The following ARHGEF18 variants were observed in gnomAD, a reference collection of about 807,000 sequenced individuals.
ARHGEF18 encodes the protein rho guanine nucleotide exchange factor 18.
A neutral mutation model predicts 155.7 loss-of-function variants in ARHGEF18; 93 were observed. That is an observed-to-expected ratio of 0.60 (90% CI 0.50 to 0.71). ARHGEF18 has a LOEUF of 0.71. Ranked by LOEUF, ARHGEF18 falls within the 30% of genes least tolerant of loss-of-function variation. The probability of loss-of-function intolerance (pLI) is 0.00; values close to 1 mark genes in which losing one functional copy is unlikely to be tolerated. For missense variants in ARHGEF18, 1,593 were observed against 1,816.1 expected (o/e 0.88, Z 2.23); for synonymous variants, 742 against 753.1 (o/e 0.99, Z 0.24).
At chr19:7,381,691 T>TAAATAATTA (rs533011251) in intron 8 of ARHGEF18, among the ~76,000 whole-genome samples, 1 of 146,092 alleles carries the variant, frequency 6.8e-6, no homozygotes, top group African/African-American at 2.6e-5. Flanking sequence ...AATAAATAAA[T>TAAATAATTA]AATAAATAAA....
Position 7,422,535 on chromosome 19 carries a change from TCTC to T in ARHGEF18, c.968-17806_968-17804del, listed in dbSNP as rs562382967. 3.1e-4 allele frequency among the ~76,000 whole-genome samples: 47 copies of T among 151,742 alleles called. 1 individual carries two copies. The South Asian group carries it at 9.6e-3, about 31-fold the overall frequency. ...AAACCCAGTGCAAAGGATCCCATGATCTCCTGCCTTCAGGCAAAATGACTCACC... is the reference window on the plus strand; with the variant it reads ...AAACCCAGTGCAAAGGATCCCATGATCTGCCTTCAGGCAAAATGACTCACC... On this transcript the variant is annotated intron_variant, in intron 10 of 28. Transcript: ENST00000668164.
chr19:7,402,290 G>A (rs1362999781), intron 10 of ARHGEF18, among the ~76,000 whole-genome samples: 6 of 152,104 alleles, frequency 3.9e-5, no homozygotes, highest in African/African-American at 1.4e-4. Context: ...GTGGTGGTGC[G>A]TGCCTGTAGA....
chr19:7,477,468 C>A, downstream of ARHGEF18: 1 of 1,383,608 alleles, frequency 7.2e-7, no homozygotes, highest in Non-Finnish European at 9.4e-7. Flanking sequence ...CTTACACTCA[C>A]GCTCACACCT....
At chr19:7,455,310 A>G (rs537418665) in intron 17 of ARHGEF18, among the ~76,000 whole-genome samples, 2 of 152,336 alleles carry the variant, frequency 1.3e-5, no homozygotes, top group African/African-American at 4.8e-5. Flanking sequence ...AAAAACGGAA[A>G]AACTAGTTAG....
chr19:7,459,926 C>T lies in ARHGEF18; in HGVS notation c.2384C>T (p.Pro795Leu). 6.3e-7 allele frequency: 1 copy of T among 1,585,460 alleles called. No homozygotes were observed. The highest frequency in any genetic ancestry group is 8.6e-7 in the Non-Finnish European group (1 of 1,165,884). ...VESCPDEEEG[P>L]FSLPEEERKV... ...AGCTGCCCTGACGAGGAGGAGGGGC[C>T]CTTCAGCCTGCCCGAAGAGGAAAGG... is the stretch of plus-strand genomic sequence containing the variant. Residue 795 changes from proline (P) to leucine (L), a missense_variant, in exon 20 of 29, where the codon CCC (proline) becomes CTC (leucine). Pro to Leu is a moderately conservative substitution (Grantham distance 98, BLOSUM62 -3). Transcript: ENST00000668164.
At chr19:7,380,591 G>A (rs1010472739) in intron 7 of ARHGEF18, among the ~76,000 whole-genome samples, 12 of 152,110 alleles carry the variant, frequency 7.9e-5, no homozygotes, top group African/African-American at 2.7e-4. Context: ...GACTGAGGCG[G>A]GAGGATTGCT....
At chr19:7,350,165 T>A (rs919355429) in intron 1 of ARHGEF18, among the ~76,000 whole-genome samples, 3 of 152,174 alleles carry the variant, frequency 2.0e-5, no homozygotes, top group Non-Finnish European at 4.4e-5. Context: ...CTGCGGTTTC[T>A]GCTGGGCACA....
At chr19:7,370,858 AG>A (rs757419498) in intron 2 of ARHGEF18, among the ~76,000 whole-genome samples, 11 of 151,804 alleles carry the variant, frequency 7.2e-5, no homozygotes, top group Non-Finnish European at 1.3e-4. Flanking sequence ...CACTCGTAGG[AG>A]GTCTCTGGAC....
intron 10 of ARHGEF18, among the ~76,000 whole-genome samples, chr19:7,411,453 C>T (rs1046960785): frequency 3.9e-5 from 6 of 152,024 alleles, no homozygotes; most frequent in Admixed American, 1.3e-4. Context: ...ATTACAGGTG[C>T]ACACCACCAT....
intron 10 of ARHGEF18, among the ~76,000 whole-genome samples, chr19:7,420,613 C>T (rs1188225604): frequency 1.3e-5 from 2 of 152,174 alleles, no homozygotes; most frequent in South Asian, 2.1e-4. Flanking sequence ...GACTCTGTTT[C>T]GTAGAAACAC....
At chr19:7,433,202 C>G (rs1974061251) in intron 10 of ARHGEF18, among the ~76,000 whole-genome samples, 1 of 151,532 alleles carries the variant, frequency 6.6e-6, no homozygotes, top group African/African-American at 2.4e-5. Flanking sequence ...CACGGTGGCT[C>G]ACACCTGTAA....
chr19:7,423,608 C>T (rs1373008036), intron 10 of ARHGEF18, among the ~76,000 whole-genome samples: 2 of 150,780 alleles, frequency 1.3e-5, no homozygotes, highest in Admixed American at 1.3e-4. Flanking sequence ...GGCTGAGGCA[C>T]GAGAATCACT....
At chr19:7,410,585 A>G (rs966623862) in intron 10 of ARHGEF18, among the ~76,000 whole-genome samples, 2 of 151,886 alleles carry the variant, frequency 1.3e-5, no homozygotes, top group Non-Finnish European at 2.9e-5. Flanking sequence ...TGAGGCTGGC[A>G]GATCATCTGA....
At chr19:7,359,827 C>T (rs1969472305) in intron 1 of ARHGEF18, among the ~76,000 whole-genome samples, 1 of 151,828 alleles carries the variant, frequency 6.6e-6, no homozygotes, top group South Asian at 2.1e-4. Flanking sequence ...TCAGGTCAAG[C>T]TCAACCTGTT....
intron 10 of ARHGEF18, chr19:7,439,638 TCC>T: frequency 5.4e-6 from 6 of 1,105,098 alleles, no homozygotes; most frequent in South Asian, 6.4e-5. Flanking sequence ...GAGCCTCGCG[TCC>T]ACTTCGATGC....
intron 23 of ARHGEF18, among the ~76,000 whole-genome samples, chr19:7,465,478 A>G (rs1388287836): frequency 6.7e-6 from 1 of 148,968 alleles, no homozygotes; most frequent in Non-Finnish European, 1.5e-5. Context: ...GCGTGATCAC[A>G]GCTCACACAG....
chr19:7,359,256 T>G (rs1969446018), intron 1 of ARHGEF18, among the ~76,000 whole-genome samples: 1 of 152,016 alleles, frequency 6.6e-6, no homozygotes, highest in Admixed American at 6.6e-5. Flanking sequence ...ACACACCAAC[T>G]CCAGGACAGA....
At chr19:7,398,690 CAA>C (rs1176940342) in intron 10 of ARHGEF18, among the ~76,000 whole-genome samples, 21 of 114,880 alleles carry the variant, frequency 1.8e-4, no homozygotes, top group Admixed American at 3.0e-4. Context: ...GACTCTGTCT[CAA>C]AAAAAAAAAA....
intron 13 of ARHGEF18, among the ~76,000 whole-genome samples, chr19:7,443,648 G>A (rs962871340): frequency 6.6e-6 from 1 of 152,164 alleles, no homozygotes; most frequent in Non-Finnish European, 1.5e-5. Flanking sequence ...CAAACATCTT[G>A]TTCATTGCAG....
Sources: allele counts gnomAD v4.1 joint callset (sites outside exome capture counted in the v4.1 genomes callset), GRCh38; gene constraint gnomAD v4.1.1; transcripts MANE v1.5; gene names NCBI Gene and HGNC (gene_info 2026-07-23, HGNC 2026-07-21).